UBE2S: variants seen among roughly 807,000 people sequenced by gnomAD.
UBE2S encodes ubiquitin conjugating enzyme E2 S.
UBE2S carries 3 observed loss-of-function variants against 12.3 expected under a neutral mutation model. That is an observed-to-expected ratio of 0.24 (90% confidence interval 0.11 to 0.63). UBE2S has a LOEUF of 0.63. Ranked by LOEUF, UBE2S falls within the 30% of genes least tolerant of loss-of-function variation. The pLI is 0.85. For missense variants in UBE2S, 211 were observed against 313.9 expected (o/e 0.67, Z 2.48); for synonymous variants, 133 against 142.0 (o/e 0.94, Z 0.45).
chr19:55,401,591 C>T lies in UBE2S; in HGVS notation c.514G>A (p.Ala172Thr), dbSNP rs1338267762. Residue 172 changes from alanine (A) to threonine (T), a missense_variant, in exon 4 of 4, where the codon GCC becomes ACC. Around this residue, in one of 2 missense-constraint regions of UBE2S, gnomAD observed 84 missense variants for 89.9 expected, o/e 0.93. Coordinates refer to ENST00000264552, the MANE Select transcript of UBE2S (RefSeq NM_014501.3). ...SGRAEAGRALASGTEASSTDP... is the reference protein window; with the variant it reads ...SGRAEAGRALTSGTEASSTDP... ...GTGGAGGAAGCTTCAGTGCCACTGG[C>T]CAGGGCCCGACCGGCTTCGGCCCTG... The T allele has an allele frequency of 7.5e-6, 12 of 1,608,534 alleles. No homozygotes were observed. The highest frequency in any genetic ancestry group is 3.3e-5 in the South Asian group (3 of 90,856).
In UBE2S at chr19:55,401,406, G is replaced by T. The variant is rs761547344; in HGVS notation, c.*30C>A. 1.3e-6 allele frequency: 2 copies of T among 1,496,662 alleles called. No individual in the cohort carries two copies. Among genetic ancestry groups the T allele is most frequent in the Non-Finnish European group, 9.1e-7 (1 of 1,096,910 alleles). The allele number at this position is 1,496,662 out of a possible 1,614,324, so 92.7% of individuals were successfully genotyped here. A position where few individuals can be genotyped will look rare whatever the true frequency, so the allele number is the denominator to read the frequency against. ...TGGAGGGAGGGGACAGGAGAGGTTG[G>T]GGTCACGGTGGAAGGAGGAAGAGAG... On this transcript the variant is annotated 3_prime_UTR_variant, in exon 4 of 4. Coordinates refer to ENST00000264552, the MANE Select transcript of UBE2S (RefSeq NM_014501.3).
At position 55,401,289 on chromosome 19, in the gene UBE2S, T is replaced by A. The variant is rs2090055722; in HGVS notation, c.*147A>T. On this transcript the variant is annotated 3_prime_UTR_variant, in exon 4 of 4. Coordinates refer to ENST00000264552, the MANE Select transcript of UBE2S (RefSeq NM_014501.3). Reference sequence around the variant, plus strand: ...ATCTGTGAGACACAGAAGCTGCTTTTCCAACTTTATTTAGAAAAACAAATC... The same window carrying A: ...ATCTGTGAGACACAGAAGCTGCTTTACCAACTTTATTTAGAAAAACAAATC... The A allele has an allele frequency of 1.1e-6, 1 of 908,300 alleles. No individual in the cohort carries two copies. The highest frequency in any genetic ancestry group is 1.7e-5 in the African/African-American group (1 of 59,626). 56.3% of individuals were successfully genotyped at this position (908,300 alleles called of 1,614,324 possible). A position where few individuals can be genotyped will look rare whatever the true frequency, so the allele number is the denominator to read the frequency against.
At chr19:55,407,195 A>ACC (rs113965331) in intron 1 of UBE2S, among the ~76,000 whole-genome samples, 2,724 of 115,252 alleles carry the variant, frequency 0.024, 44 homozygotes, top group Non-Finnish European at 0.029. Flanking sequence ...CCACCCCAGA[A>ACC]CCCCCCCCCC....
At chr19:55,407,183 A>ACCCCCCCCCAAAACCCCCCCCCC (rs1214895392) in intron 1 of UBE2S, among the ~76,000 whole-genome samples, 1 of 92,788 alleles carries the variant, frequency 1.1e-5, no homozygotes, top group Admixed American at 1.2e-4. Flanking sequence ...AGATAACTCC[A>ACCCCCCCCCAAAACCCCCCCCCC]CCCACCCCAG....
chr19:55,399,880 G>A lies in UBE2S; in HGVS notation c.*1556C>T, dbSNP rs920630396. Reference sequence around the variant, plus strand: ...AGAAATGGTTGACGATAAACGCAGAGCTTAAGATTTCTTGGATGGCCAGTG... The same window carrying A: ...AGAAATGGTTGACGATAAACGCAGAACTTAAGATTTCTTGGATGGCCAGTG... On this transcript the variant is annotated 3_prime_UTR_variant, in exon 4 of 4. Transcript: ENST00000264552. The A allele has an allele frequency of 1.3e-5, 2 of 152,230 alleles. No individual in the cohort carries two copies. Among genetic ancestry groups the A allele is most frequent in the African/African-American group, 4.8e-5 (2 of 41,462 alleles). 9.4% of individuals were successfully genotyped at this position (152,230 alleles called of 1,614,324 possible).
chr19:55,402,905 G>T lies in UBE2S; in HGVS notation c.343-1143C>A. ...CACCCTCTCTGCCATGTGCCCCAGGGACTCATTAGAAATTTGGTTAACTTT... is the reference window on the plus strand; with the variant it reads ...CACCCTCTCTGCCATGTGCCCCAGGTACTCATTAGAAATTTGGTTAACTTT... On this transcript the variant is annotated intron_variant, in intron 3 of 3. Transcript: ENST00000264552. The T allele has an allele frequency of 1.3e-6, 2 of 1,511,790 alleles. 1 individual carries two copies. Among genetic ancestry groups the T allele is most frequent in the Middle Eastern group, 3.5e-4 (2 of 5,748 alleles). 93.6% of individuals were successfully genotyped at this position (1,511,790 alleles called of 1,614,324 possible). A position where few individuals can be genotyped will look rare whatever the true frequency, so the allele number is the denominator to read the frequency against.
intron 3 of UBE2S, among the ~76,000 whole-genome samples, chr19:55,403,497 AGAAAGAAAG>A (rs72258338): frequency 0.1 from 15,375 of 151,690 alleles, 1,216 homozygotes; most frequent in African/African-American, 0.2. Context: ...TAAAACAAAA[AGAAAGAAAG>A]GAAAGAAAGG....
chr19:55,404,006 C>T lies in UBE2S; in HGVS notation c.342+282G>A, dbSNP rs2090080282. The T allele has an allele frequency of 5.1e-6, 2 of 391,204 alleles. No homozygotes were observed. The highest frequency in any genetic ancestry group is 9.4e-6 in the Non-Finnish European group (2 of 212,842). The allele number at this position is 391,204 out of a possible 1,614,324, so 24.2% of individuals were successfully genotyped here. On this transcript the variant is annotated intron_variant, in intron 3 of 3. Transcript: ENST00000264552. This position sits in a 1 kb window ranked among gnomAD's most constrained non-coding sequence, Gnocchi z 4.4. ...TCCACCACACCTGGCCTACCCTATC[C>T]TTGTTTTTTAAAAAAAAGGGAGAAG...
rs2090048574 is a variant in UBE2S at position 55,400,387 on chromosome 19, T to C, written c.*1049A>G. On this transcript the variant is annotated 3_prime_UTR_variant, in exon 4 of 4. Coordinates refer to ENST00000264552, the MANE Select transcript of UBE2S (RefSeq NM_014501.3). ...CTAAACGCATTAATAGAATGGGAAG[T>C]TTCCCCACCCCCTGGTGTGCACACC... 6.6e-6 allele frequency: 1 copy of C among 152,124 alleles called. No homozygotes were observed. Among genetic ancestry groups the C allele is most frequent in the Non-Finnish European group, 1.5e-5 (1 of 68,024 alleles). The allele number at this position is 152,124 out of a possible 1,614,324, so 9.4% of individuals were successfully genotyped here.
Position 55,406,881 on chromosome 19 carries a change from C to T in UBE2S, c.85G>A (p.Asp29Asn), listed in dbSNP as rs2090099388. The T allele has an allele frequency of 6.8e-6, 11 of 1,614,000 alleles. No individual in the cohort carries two copies. Among genetic ancestry groups the T allele is most frequent in the African/African-American group, 1.3e-5 (1 of 75,028 alleles). Reference protein sequence around the residue: ...EVTTLTADPPDGIKVFPNEED... With the variant: ...EVTTLTADPPNGIKVFPNEED... ...TCGTTGGGAAAGACCTTGATGCCAT[C>T]GGGTGGGTCTGCGGTCAGTGTCGTC... The change falls in exon 2 of 4, where the codon GAT becomes AAT. Residue 29 changes from aspartate to asparagine, a missense_variant. Physicochemically the swap from Asp to Asn is conservative, Grantham distance 23 (BLOSUM62 1). Around this residue, in one of 2 missense-constraint regions of UBE2S, gnomAD observed 127 missense variants for 224.0 expected, o/e 0.57. Transcript: ENST00000264552.
At chr19:55,402,987 G>C in intron 3 of UBE2S, 1 of 1,534,960 alleles carries the variant, frequency 6.5e-7, no homozygotes, top group Non-Finnish European at 8.7e-7. Context: ...GCAGCCTGGA[G>C]CACCAGCCTA....
At position 55,405,625 on chromosome 19, in the gene UBE2S, C is replaced by T. The variant is rs989220120; in HGVS notation, c.152-1147G>A. Among the ~76,000 whole-genome samples the T allele has an allele frequency of 5.9e-5, 9 of 152,254 alleles. No individual in the cohort carries two copies. The South Asian group carries it at 8.3e-4, about 14-fold the overall frequency. On this transcript the variant is annotated intron_variant, in intron 2 of 3. Coordinates refer to ENST00000264552, the MANE Select transcript of UBE2S (RefSeq NM_014501.3). The stretch of plus-strand genomic sequence containing the variant: ...CCCCCACCTGTGTCACTATCAAGCT[C>T]GTCTGCACCCTCCTGGATCCCCCGT...
rs1014936251 is a variant in UBE2S at position 55,406,713 on chromosome 19, C to A, written c.151+102G>T. 4.8e-6 allele frequency: 7 copies of A among 1,460,400 alleles called. No individual in the cohort carries two copies. In the African/African-American group the frequency reaches 8.5e-5, roughly 18 times the overall value. 90.5% of individuals were successfully genotyped at this position (1,460,400 alleles called of 1,614,324 possible). On this transcript the variant is annotated intron_variant, in intron 2 of 3. Transcript: ENST00000264552. The stretch of plus-strand genomic sequence containing the variant: ...TCCACCAATGCATCCCAACACCTGA[C>A]ACGAGGCCAGCCTGTAATGGGTACT...
At position 55,407,630 on chromosome 19, in the gene UBE2S, CT is replaced by C. The variant is rs573573622; in HGVS notation, c.-42del. On this transcript the variant is annotated 5_prime_UTR_variant, in exon 1 of 4. Transcript: ENST00000264552. ...GGGGCGGGTCCCCCCGGCCCCCTTCCTGCGTTCTTCGGTCCGCCGGCCGGGG... is the reference window on the plus strand; with the variant it reads ...GGGGCGGGTCCCCCCGGCCCCCTTCCGCGTTCTTCGGTCCGCCGGCCGGGG... 12,863 of 1,338,102 alleles carry C rather than the reference CT, an allele frequency of 9.6e-3. 67 individuals carry two copies. Among genetic ancestry groups the C allele is most frequent in the Non-Finnish European group, 0.011 (11,798 of 1,044,484 alleles). The allele number at this position is 1,338,102 out of a possible 1,614,324, so 82.9% of individuals were successfully genotyped here. A position where few individuals can be genotyped will look rare whatever the true frequency, so the allele number is the denominator to read the frequency against.
chr19:55,402,199 G>T (rs1482711736), intron 3 of UBE2S, among the ~76,000 whole-genome samples: 1 of 152,222 alleles, frequency 6.6e-6, no homozygotes, highest in Non-Finnish European at 1.5e-5. Flanking sequence ...ACAGAGAGAA[G>T]AGACTTCCCC....
chr19:55,403,172 G>A (rs903855272), intron 3 of UBE2S: 2 of 683,062 alleles, frequency 2.9e-6, no homozygotes, highest in Non-Finnish European at 5.3e-6. Context: ...ATACCCCTTG[G>A]GGGGCAAAAT....
intron 3 of UBE2S, among the ~76,000 whole-genome samples, chr19:55,402,505 A>G (rs994193653): frequency 6.6e-6 from 1 of 152,170 alleles, no homozygotes; most frequent in Admixed American, 6.5e-5. Context: ...CCCCAGCTGG[A>G]TCCTCTGAAG....
Position 55,400,399 on chromosome 19 carries a change from CT to C in UBE2S, c.*1036del, listed in dbSNP as rs2090048690. 1 of 152,182 alleles carries C rather than the reference CT, an allele frequency of 6.6e-6. No homozygotes were observed. Among genetic ancestry groups the C allele is most frequent in the Non-Finnish European group, 1.5e-5 (1 of 68,038 alleles). The allele number at this position is 152,182 out of a possible 1,614,324, so 9.4% of individuals were successfully genotyped here. ...ATAGAATGGGAAGTTTCCCCACCCCCTGGTGTGCACACCCAGGTTAATCCCT... is the reference window on the plus strand; with the variant it reads ...ATAGAATGGGAAGTTTCCCCACCCCCGGTGTGCACACCCAGGTTAATCCCT... On this transcript the variant is annotated 3_prime_UTR_variant, in exon 4 of 4. Transcript: ENST00000264552.
chr19:55,405,472 G>A (rs2090091056), intron 2 of UBE2S, among the ~76,000 whole-genome samples: 1 of 152,048 alleles, frequency 6.6e-6, no homozygotes, highest in Admixed American at 6.6e-5. Context: ...TTGTGCTATT[G>A]CACTCCAGCC....
Sources: gnomAD v4.1 joint callset for allele counts (sites outside exome capture counted in the v4.1 genomes callset) on GRCh38, gnomAD v4.1.1 for gene constraint, gnomAD v4.1.1 regional missense constraint, Gnocchi (gnomAD v3.1) non-coding constraint, MANE v1.5 for transcripts, NCBI Gene and HGNC (gene_info 2026-07-23, HGNC 2026-07-21) for gene names.